Variants in CCDC80 observed in about 807,000 individuals in gnomAD.
CCDC80 encodes the protein coiled-coil domain-containing protein 80.
In CCDC80, 49 loss-of-function variants were observed where a neutral mutation model predicts 78.7. The ratio of observed to expected loss-of-function variants is 0.62; its 90% confidence interval spans 0.50 to 0.79. The LOEUF (loss-of-function observed/expected upper bound fraction) is 0.79, where lower values mean the gene tolerates loss of function less well. Ranked by LOEUF, CCDC80 falls within the 30% of genes least tolerant of loss-of-function variation. The probability of loss-of-function intolerance (pLI) is 0.00; values close to 1 mark genes in which losing one functional copy is unlikely to be tolerated. For missense variants in CCDC80, 1,205 were observed against 1,198.6 expected, an observed-to-expected ratio of 1.01 and a Z score of -0.08; for synonymous variants, 488 against 447.0, an observed-to-expected ratio of 1.09 and a Z score of -1.16.
chr3:112,597,958 T>C lies in CCDC80; in HGVS notation c.*7459A>G, dbSNP rs1165390706. On this transcript the variant is annotated 3_prime_UTR_variant, in exon 8 of 8. Coordinates refer to ENST00000206423, the MANE Select transcript of CCDC80 (RefSeq NM_199511.3). Reference sequence around the variant, plus strand: ...TCCTGGAAAAGTACATATAGAATAGTATAAATACAATAAATGTTTGAATTA... The same window carrying C: ...TCCTGGAAAAGTACATATAGAATAGCATAAATACAATAAATGTTTGAATTA... 6.6e-6 allele frequency: 1 copy of C among 152,208 alleles called. No individual in the cohort carries two copies. Among genetic ancestry groups the C allele is most frequent in the Non-Finnish European group, 1.5e-5 (1 of 68,046 alleles). The allele number at this position is 152,208 out of a possible 1,614,324, so 9.4% of individuals were successfully genotyped here. A position where few individuals can be genotyped will look rare whatever the true frequency, so the allele number is the denominator to read the frequency against.
At chr3:112,605,831 G>A in intron 7 of CCDC80, 68 bp from the exon 8 acceptor site, 1 of 1,306,746 alleles carries the variant, frequency 7.7e-7, no homozygotes, top group Non-Finnish European at 1.1e-6. Flanking sequence ...ACATTAAAGT[G>A]TGAGGAAATT....
At chr3:112,633,973 T>G (rs1936155709) in intron 2 of CCDC80, among the ~76,000 whole-genome samples, 1 of 152,222 alleles carries the variant, frequency 6.6e-6, no homozygotes, top group African/African-American at 2.4e-5. Context: ...TTGTATTTCT[T>G]TTTCATGGCT....
intron 7 of CCDC80, among the ~76,000 whole-genome samples, chr3:112,606,432 T>C (rs1469511127): frequency 6.8e-6 from 1 of 147,300 alleles, no homozygotes; most frequent in East Asian, 1.9e-4. Flanking sequence ...TGTTTTGTTT[T>C]GTTTTGTTTT....
chr3:112,623,533 G>A (rs983010316), intron 3 of CCDC80, among the ~76,000 whole-genome samples: 3 of 152,090 alleles, frequency 2.0e-5, no homozygotes, highest in Non-Finnish European at 4.4e-5. Context: ...ACAGTCACCA[G>A]GAGTGCTTGT....
chr3:112,639,956 G>GA (rs762479687), intron 1 of CCDC80, 40 bp from the exon 2 acceptor site: 14 of 1,547,768 alleles, frequency 9.0e-6, no homozygotes, highest in South Asian at 2.5e-5. Flanking sequence ...AGGGGAGGGG[G>GA]AAAAAAGAAA....
Position 112,639,760 on chromosome 3 carries a change from G to C in CCDC80, c.146C>G (p.Ala49Gly). Residue 49 changes from alanine to glycine, a missense_variant, in exon 2 of 8, where the codon GCT becomes GGT. By Grantham distance (60) the Ala-to-Gly change is moderately conservative. Transcript: ENST00000206423. ...CCTCCCAGTGTGCCTCAGAAACCGA[G>C]CTGGCCTACTGCTGTCCGGAGAAAC... ...PLVSPDSSRP[A>G]RFLRHTGRSR... The C allele has an allele frequency of 1.2e-6, 2 of 1,614,140 alleles. No homozygotes were observed. Among genetic ancestry groups the C allele is most frequent in the Non-Finnish European group, 1.7e-6 (2 of 1,180,040 alleles).
intron 3 of CCDC80, among the ~76,000 whole-genome samples, chr3:112,622,005 A>G (rs942040534): frequency 2.0e-5 from 3 of 152,160 alleles, no homozygotes; most frequent in African/African-American, 7.2e-5. Flanking sequence ...CAGAAAACCC[A>G]ATCTGTCACA....
At chr3:112,611,360 A>C (rs1479080046) in intron 5 of CCDC80, among the ~76,000 whole-genome samples, 1 of 152,042 alleles carries the variant, frequency 6.6e-6, no homozygotes, top group Non-Finnish European at 1.5e-5. Flanking sequence ...TGGGTGTAGA[A>C]CTTTATCCAT....
At position 112,640,969 on chromosome 3, in the gene CCDC80, T is replaced by C. The variant is rs1936327786; in HGVS notation, c.-654A>G. On this transcript the variant is annotated 5_prime_UTR_variant, in exon 1 of 8. Coordinates refer to ENST00000206423, the MANE Select transcript of CCDC80 (RefSeq NM_199511.3). ...TCTTCTTTTTCTTCTTTCTCTTGCC[T>C]GGATTCAGTCCCAGAAATGTTAGGA... The C allele has an allele frequency of 6.6e-6, 1 of 152,236 alleles. No homozygotes were observed. 9.4% of individuals were successfully genotyped at this position (152,236 alleles called of 1,614,324 possible). A position where few individuals can be genotyped will look rare whatever the true frequency, so the allele number is the denominator to read the frequency against.
At chr3:112,616,623 G>A (rs1935754290) in intron 5 of CCDC80, 87 bp downstream of exon 5, 1 of 1,452,574 alleles carries the variant, frequency 6.9e-7, no homozygotes, top group African/African-American at 1.4e-5. Flanking sequence ...GTAAACACCT[G>A]TGGGATCTGT....
chr3:112,616,896 T>A, intron 4 of CCDC80, 38 bp from the exon 5 acceptor site: 2 of 1,602,404 alleles, frequency 1.2e-6, no homozygotes, highest in Non-Finnish European at 1.7e-6. Flanking sequence ...AATGTACAAG[T>A]GCATTTCTTC....
chr3:112,607,030 G>GTA (rs1341243552), intron 7 of CCDC80, 146 bp downstream of exon 7: 2 of 578,868 alleles, frequency 3.5e-6, no homozygotes, highest in Admixed American at 3.1e-5. Context: ...GCACACACAG[G>GTA]CACACATGCA....
chr3:112,633,410 TTC>T (rs1226641297), intron 2 of CCDC80, among the ~76,000 whole-genome samples: 8 of 152,190 alleles, frequency 5.3e-5, no homozygotes. Flanking sequence ...TTAATTACTG[TTC>T]TTTTTGTCTG....
chr3:112,619,106 T>C lies in CCDC80; in HGVS notation c.2036-2A>G. ...CCACTCGCATGGGCTTCTCATTATC[T>C]TAAGGGAAATAAAATGTGAATGAAT... On this transcript the variant is annotated splice_acceptor_variant, in intron 3 of 7. Transcript: ENST00000206423. LOFTEE classifies it high-confidence loss of function. The C allele has an allele frequency of 6.4e-7, 1 of 1,566,682 alleles. No individual in the cohort carries two copies. Among genetic ancestry groups the C allele is most frequent in the South Asian group, 1.2e-5 (1 of 83,096 alleles).
In CCDC80 at chr3:112,630,384, A is replaced by T. The variant is rs529224088; in HGVS notation, c.1879-115T>A. 1.3e-5 allele frequency: 13 copies of T among 1,007,300 alleles called. No individual in the cohort carries two copies. In the South Asian group the frequency reaches 1.9e-4, roughly 15 times the overall value. 62.4% of individuals were successfully genotyped at this position (1,007,300 alleles called of 1,614,324 possible). A position where few individuals can be genotyped will look rare whatever the true frequency, so the allele number is the denominator to read the frequency against. On this transcript the variant is annotated intron_variant, in intron 2 of 7. Transcript: ENST00000206423. ...CTGGTAGTGACTGCATCTAAGCTAC[A>T]AATGTTCTGCTGAACAGTTAGCATA...
intron 3 of CCDC80, among the ~76,000 whole-genome samples, chr3:112,629,280 GTT>G (rs1270093176): frequency 6.9e-6 from 1 of 143,968 alleles, no homozygotes. Context: ...TTACTCTAAG[GTT>G]TTTTTTTTTT....
chr3:112,639,916 A>T lies in CCDC80; in HGVS notation c.-11T>A. ...CATTCTCCATGTCATTGTGTAATCC[A>T]CTTTGCGATGCACGGAGGTCATAAA... is the stretch of plus-strand genomic sequence containing the variant. On this transcript the variant is annotated splice_region_variant and 5_prime_UTR_variant, in exon 2 of 8. Coordinates refer to ENST00000206423, the MANE Select transcript of CCDC80 (RefSeq NM_199511.3). The T allele has an allele frequency of 1.2e-6, 2 of 1,607,922 alleles. No homozygotes were observed. The highest frequency in any genetic ancestry group is 1.7e-6 in the Non-Finnish European group (2 of 1,175,734).
In CCDC80 at chr3:112,619,112, G is replaced by C; in HGVS notation, c.2036-8C>G. The C allele has an allele frequency of 6.4e-7, 1 of 1,560,118 alleles. No individual in the cohort carries two copies. Among genetic ancestry groups the C allele is most frequent in the South Asian group, 1.2e-5 (1 of 81,954 alleles). On this transcript the variant is annotated splice_polypyrimidine_tract_variant and splice_region_variant and intron_variant, in intron 3 of 7. Transcript: ENST00000206423. Reference sequence around the variant, plus strand: ...GCATGGGCTTCTCATTATCTTAAGGGAAATAAAATGTGAATGAATATGGGT... The same window carrying C: ...GCATGGGCTTCTCATTATCTTAAGGCAAATAAAATGTGAATGAATATGGGT...
In CCDC80 at chr3:112,601,706, AAG is replaced by A. The variant is rs1935379909; in HGVS notation, c.*3709_*3710del. On this transcript the variant is annotated 3_prime_UTR_variant, in exon 8 of 8. Coordinates refer to ENST00000206423, the MANE Select transcript of CCDC80 (RefSeq NM_199511.3). ...AAAAGAAAAAAAAAAAGAGAAAAAA[AAG>A]AAGCAGCAGCAACGAAAGGAGGGAG... The A allele has an allele frequency of 7.1e-6, 1 of 140,538 alleles. No homozygotes were observed. The highest frequency in any genetic ancestry group is 3.1e-5 in the African/African-American group (1 of 31,766). 8.7% of individuals were successfully genotyped at this position (140,538 alleles called of 1,614,324 possible).
Sources: allele counts gnomAD v4.1 joint callset (sites outside exome capture counted in the v4.1 genomes callset), GRCh38; gene constraint gnomAD v4.1.1; transcripts MANE v1.5; gene names NCBI Gene and HGNC (gene_info 2026-07-23, HGNC 2026-07-21).